The following TNKS2 variants were observed in gnomAD, a reference collection of about 807,000 sequenced individuals.
TNKS2 encodes the protein tankyrase 2.
TNKS2 carries 72 observed loss-of-function variants against 137.6 expected under a neutral mutation model. That is an observed-to-expected ratio of 0.52 (90% CI 0.43 to 0.64). TNKS2 has a LOEUF of 0.64. Ranked by LOEUF, TNKS2 falls within the 30% of genes least tolerant of loss-of-function variation. The probability of loss-of-function intolerance (pLI) is 0.00; values close to 1 mark genes in which losing one functional copy is unlikely to be tolerated. For synonymous variants in TNKS2, 516 were observed against 512.1 expected (o/e 1.01, Z -0.10); for missense variants, 1,049 against 1,410.2 (o/e 0.74, Z 4.10).
chr10:91,854,866 C>T (rs1449408584), intron 21 of TNKS2, among the ~76,000 whole-genome samples, 163 bp from the exon 22 acceptor site: 1 of 148,208 alleles, frequency 6.7e-6, no homozygotes, highest in East Asian at 2.0e-4. Flanking sequence ...TCACACCAGC[C>T]TAGCCTGGGC....
chr10:91,863,100 C>A lies in TNKS2; in HGVS notation c.*101C>A. On this transcript the variant is annotated 3_prime_UTR_variant, in exon 27 of 27. Coordinates refer to ENST00000371627, the MANE Select transcript of TNKS2 (RefSeq NM_025235.4). ...TGCTGAAAAAAAATCATCTTGCCCA[C>A]AGGCCTGTGGCAAAAGGATAAAAAT... 1.3e-6 allele frequency: 1 copy of A among 778,428 alleles called. No individual in the cohort carries two copies. Among genetic ancestry groups the A allele is most frequent in the African/African-American group, 1.8e-5 (1 of 56,796 alleles). 48.2% of individuals were successfully genotyped at this position (778,428 alleles called of 1,614,324 possible).
intron 1 of TNKS2, among the ~76,000 whole-genome samples, chr10:91,803,704 A>C (rs559921151): frequency 1.3e-3 from 199 of 152,380 alleles, no homozygotes; most frequent in African/African-American, 4.6e-3. Context: ...TCCTGGCTAA[A>C]GGTTGCTTGA....
chr10:91,859,757 A>T, intron 25 of TNKS2, 109 bp downstream of exon 25: 1 of 813,372 alleles, frequency 1.2e-6, no homozygotes, highest in Non-Finnish European at 1.9e-6. Flanking sequence ...CAAGCTAGGC[A>T]TGTTTTAGAT....
At chr10:91,819,694 A>G (rs1007214411) in intron 5 of TNKS2, 137 bp downstream of exon 5, 23 of 817,064 alleles carry the variant, frequency 2.8e-5, no homozygotes, top group Non-Finnish European at 3.6e-5. Flanking sequence ...CAGTATTTCA[A>G]ATTCTTAAGC....
chr10:91,840,221 T>A (rs900244361), intron 13 of TNKS2, among the ~76,000 whole-genome samples: 8 of 152,074 alleles, frequency 5.3e-5, no homozygotes, highest in African/African-American at 1.9e-4. Flanking sequence ...GTGCCTGTAG[T>A]CCCTGCTGCT....
Position 91,819,509 on chromosome 10 carries a change from T to C in TNKS2, c.585T>C (p.Ala195=). 6.3e-7 allele frequency: 1 copy of C among 1,594,356 alleles called. No individual in the cohort carries two copies. The change falls in exon 5 of 27, where the codon GCT becomes GCC. Residue 195 remains alanine (A), a synonymous_variant. Transcript: ENST00000371627. ...ARSGNEEKMM[A]LLTPLNVNCH... ...GTGGCAATGAAGAAAAAATGATGGC[T>C]CTACTCACACCATTAAATGTCAACT...
intron 1 of TNKS2, among the ~76,000 whole-genome samples, chr10:91,812,091 A>G (rs936333548): frequency 6.6e-6 from 1 of 152,062 alleles, no homozygotes; most frequent in Non-Finnish European, 1.5e-5. Context: ...GAACGGAGAA[A>G]ATTTCAGAAG....
rs142919984 is a variant in TNKS2, at chr10:91,833,845, T to C, written c.1276-8T>C. ...CGGGCTAATTTCAATTTTTTCTGCT[T>C]TGTTAAGGTTAATGCTCTGGATAAT... On this transcript the variant is annotated splice_polypyrimidine_tract_variant and splice_region_variant and intron_variant, in intron 11 of 26. Coordinates refer to ENST00000371627, the MANE Select transcript of TNKS2 (RefSeq NM_025235.4). 821 of 1,563,796 alleles carry C rather than the reference T, an allele frequency of 5.3e-4. 12 individuals are homozygous for C. The East Asian group carries it at 0.015, about 29-fold the overall frequency.
At chr10:91,855,357 G>C (rs933273250) in intron 22 of TNKS2, among the ~76,000 whole-genome samples, 1 of 151,644 alleles carries the variant, frequency 6.6e-6, no homozygotes, top group African/African-American at 2.4e-5. Flanking sequence ...TTTTGTTTTT[G>C]TTTTTGTTTT....
intron 1 of TNKS2, among the ~76,000 whole-genome samples, chr10:91,801,764 G>A (rs1251419729): frequency 4.6e-5 from 7 of 152,168 alleles, no homozygotes; most frequent in East Asian, 1.9e-4. Flanking sequence ...GAGCCACTGC[G>A]CCCGGCCAGG....
chr10:91,854,984 G>A (rs958813973), intron 21 of TNKS2, 45 bp from the exon 22 acceptor site: 1 of 1,066,696 alleles, frequency 9.4e-7, no homozygotes, highest in Non-Finnish European at 1.4e-6. Flanking sequence ...GATGTTCATT[G>A]TTTATTGGCA....
chr10:91,807,385 G>C (rs1234575605), intron 1 of TNKS2: 1 of 1,614,008 alleles, frequency 6.2e-7, no homozygotes. Context: ...GGGTCAGCGA[G>C]GTAAAGCTTC....
intron 13 of TNKS2, 31 bp from the exon 14 acceptor site, chr10:91,840,527 TGTA>T: frequency 6.3e-7 from 1 of 1,575,748 alleles, no homozygotes; most frequent in Non-Finnish European, 8.6e-7. Flanking sequence ...AATATGTAGA[TGTA>T]GTATCATGTA....
intron 21 of TNKS2, among the ~76,000 whole-genome samples, chr10:91,851,770 C>T (rs1219253647): frequency 2.6e-5 from 4 of 152,022 alleles, no homozygotes; most frequent in African/African-American, 9.7e-5. Flanking sequence ...AAATTTTAAG[C>T]GCTTGGGATG....
chr10:91,854,464 A>G (rs771609794), intron 21 of TNKS2, among the ~76,000 whole-genome samples: 5 of 152,224 alleles, frequency 3.3e-5, no homozygotes, highest in Non-Finnish European at 7.3e-5. Context: ...AATGACATCT[A>G]TAATTTAGTT....
chr10:91,807,112 A>G (rs1393462519), intron 1 of TNKS2: 1 of 1,465,160 alleles, frequency 6.8e-7, no homozygotes, highest in African/African-American at 1.4e-5. Context: ...TTTCTGTCCC[A>G]ACACTTTCTC....
chr10:91,817,432 G>GT (rs1418514519), intron 3 of TNKS2, among the ~76,000 whole-genome samples: 2 of 152,272 alleles, frequency 1.3e-5, no homozygotes, highest in Non-Finnish European at 1.5e-5. Context: ...TCTAATTGCT[G>GT]TTTAAGTATG....
rs74367373 is a variant in TNKS2 at position 91,805,476 on chromosome 10, G to C, written c.199+6587G>C. 2.9e-4 allele frequency among the ~76,000 whole-genome samples: 44 copies of C among 152,296 alleles called. No homozygotes were observed. In the East Asian group the frequency reaches 7.7e-3, roughly 27 times the overall value. On this transcript the variant is annotated intron_variant, in intron 1 of 26. Transcript: ENST00000371627. ...CAGTTATGTCTTTCTCTTTAACTCTGATTTCATGCAACCCTCTTCTCTTTC... is the reference window on the plus strand; with the variant it reads ...CAGTTATGTCTTTCTCTTTAACTCTCATTTCATGCAACCCTCTTCTCTTTC...
chr10:91,807,760 C>T (rs765134191), intron 1 of TNKS2, among the ~76,000 whole-genome samples: 1 of 152,000 alleles, frequency 6.6e-6, no homozygotes, highest in East Asian at 1.9e-4. Context: ...TTCGGGAGGC[C>T]GAGGCGAGCG....
Sources: allele counts gnomAD v4.1 joint callset (sites outside exome capture counted in the v4.1 genomes callset), GRCh38; gene constraint gnomAD v4.1.1; transcripts MANE v1.5; gene names NCBI Gene and HGNC (gene_info 2026-07-23, HGNC 2026-07-21).